CELF4: variants seen among roughly 807,000 people sequenced by gnomAD.
CELF4 encodes the protein CUG-BP- and ETR-3-like factor 4.
A neutral mutation model predicts 59.9 loss-of-function variants in CELF4; 18 were observed. The ratio of observed to expected loss-of-function variants is 0.30; its 90% CI spans 0.21 to 0.45. CELF4 has a LOEUF of 0.45. Among genes scored for constraint, CELF4 ranks in the 20% least tolerant of loss-of-function variants. The probability of loss-of-function intolerance (pLI) is 1.00; values close to 1 mark genes in which losing one functional copy is unlikely to be tolerated. For missense variants in CELF4, 456 were observed against 689.0 expected, an observed-to-expected ratio of 0.66 and a Z score of 3.79; for synonymous variants, 261 against 267.1, an observed-to-expected ratio of 0.98 and a Z score of 0.22.
intron 3 of CELF4, among the ~76,000 whole-genome samples, chr18:37,296,169 A>G (rs1029174546): frequency 6.6e-6 from 1 of 151,946 alleles, no homozygotes; most frequent in Non-Finnish European, 1.5e-5. Flanking sequence ...TTCATATTTT[A>G]TTTTGAGACA....
intron 3 of CELF4, 129 bp from the exon 4 acceptor site, chr18:37,275,372 C>G (rs1601888486): frequency 6.3e-4 from 21 of 33,486 alleles, no homozygotes; most frequent in South Asian, 4.7e-3. Context: ...TCGGAGCCGG[C>G]GGGGGAGAGG....
rs1213195537 is a variant in CELF4 at position 37,246,580 on chromosome 18, T to C, written c.*45-1383A>G. Among the ~76,000 whole-genome samples the C allele has an allele frequency of 6.6e-6, 1 of 152,174 alleles. No homozygotes were observed. The highest frequency in any genetic ancestry group is 2.4e-5 in the African/African-American group (1 of 41,456). Reference sequence around the variant, plus strand: ...TCTGTTACTGTAGATATTTTGTTTTTGTTTTTTTGTTTTTGTTTTTTTTCC... The same window carrying C: ...TCTGTTACTGTAGATATTTTGTTTTCGTTTTTTTGTTTTTGTTTTTTTTCC... On this transcript the variant is annotated intron_variant, in intron 12 of 12. Coordinates refer to ENST00000420428, the MANE Select transcript of CELF4 (RefSeq NM_020180.4). This position sits in a 1 kb window ranked among gnomAD's most constrained non-coding sequence, Gnocchi z 5.3.
chr18:37,522,212 C>T (rs1469493723), intron 1 of CELF4, among the ~76,000 whole-genome samples: 1 of 152,182 alleles, frequency 6.6e-6, no homozygotes, highest in African/African-American at 2.4e-5. Context: ...CCACCTCCTC[C>T]TGACTGGTGC....
At chr18:37,541,558 C>T (rs184958126) in intron 1 of CELF4, among the ~76,000 whole-genome samples, 24 of 152,288 alleles carry the variant, frequency 1.6e-4, no homozygotes, top group Admixed American at 8.5e-4. Flanking sequence ...AAACATACAT[C>T]GGAACATGGC....
chr18:37,264,227 AC>A (rs770312395), intron 10 of CELF4, among the ~76,000 whole-genome samples: 33 of 152,228 alleles, frequency 2.2e-4, no homozygotes, highest in Middle Eastern at 3.2e-3. Context: ...GCACTGGTAC[AC>A]ACAGGCCTAA....
chr18:37,565,247 C>A, intron 1 of CELF4, 109 bp downstream of exon 1: 1 of 1,309,992 alleles, frequency 7.6e-7, no homozygotes, highest in Non-Finnish European at 1.0e-6. Context: ...CCGCGCCCGC[C>A]CGAGGCTTCC....
intron 8 of CELF4, among the ~76,000 whole-genome samples, chr18:37,267,988 G>C (rs1319324009): frequency 6.6e-6 from 1 of 152,170 alleles, no homozygotes; most frequent in Non-Finnish European, 1.5e-5. Context: ...AGTGAACTGA[G>C]ATCATGCCAT....
intron 2 of CELF4, among the ~76,000 whole-genome samples, chr18:37,398,386 A>C (rs558691126): frequency 6.6e-6 from 1 of 152,164 alleles, no homozygotes; most frequent in Non-Finnish European, 1.5e-5. Flanking sequence ...GAGAGAAGGA[A>C]TCTCCCTTCG....
At chr18:37,420,019 C>T (rs1288519341) in intron 2 of CELF4, among the ~76,000 whole-genome samples, 1 of 152,232 alleles carries the variant, frequency 6.6e-6, no homozygotes, top group Non-Finnish European at 1.5e-5. Context: ...TGGTATCCAG[C>T]AACACATTGA....
At chr18:37,527,483 C>A (rs1051152263) in intron 1 of CELF4, among the ~76,000 whole-genome samples, 2 of 152,156 alleles carry the variant, frequency 1.3e-5, no homozygotes, top group African/African-American at 4.8e-5. Flanking sequence ...CTCCCCACCC[C>A]CTCCAGAATA....
chr18:37,449,571 G>A (rs936948382), intron 2 of CELF4, among the ~76,000 whole-genome samples: 1 of 152,160 alleles, frequency 6.6e-6, no homozygotes, highest in Non-Finnish European at 1.5e-5. Flanking sequence ...TGAAGCACAC[G>A]GTCTAGTGGA....
chr18:37,281,936 G>A (rs2094193700), intron 3 of CELF4, among the ~76,000 whole-genome samples: 1 of 152,166 alleles, frequency 6.6e-6, no homozygotes, highest in Non-Finnish European at 1.5e-5. Context: ...AGTAGCAAGG[G>A]ACAGGGAGAC....
chr18:37,298,666 C>T (rs573869759), intron 3 of CELF4, among the ~76,000 whole-genome samples: 5 of 150,298 alleles, frequency 3.3e-5, no homozygotes, highest in East Asian at 2.0e-4. Flanking sequence ...CAGATGTTGC[C>T]GTGAACTGAG....
At chr18:37,361,833 G>A (rs537694741) in intron 2 of CELF4, among the ~76,000 whole-genome samples, 43 of 143,076 alleles carry the variant, frequency 3.0e-4, no homozygotes, top group Admixed American at 1.3e-3. Context: ...CCATTCTAGT[G>A]GCAGCCCCTG....
At position 37,381,148 on chromosome 18, in the gene CELF4, AT is replaced by A. The variant is rs1292599672; in HGVS notation, c.370-59268del. 2.0e-3 allele frequency among the ~76,000 whole-genome samples: 307 copies of A among 152,190 alleles called. 2 individuals are homozygous for A. The highest frequency in any genetic ancestry group is 7.0e-3 in the African/African-American group (290 of 41,532). ...CATCCATCCATCCATCCATCCATCCATCCATCCACCTACCATTCATCCACTC... is the reference window on the plus strand; with the variant it reads ...CATCCATCCATCCATCCATCCATCCACCATCCACCTACCATTCATCCACTC... On this transcript the variant is annotated intron_variant, in intron 2 of 12. Transcript: ENST00000420428.
At chr18:37,532,832 C>G (rs913004414) in intron 1 of CELF4, among the ~76,000 whole-genome samples, 2 of 152,196 alleles carry the variant, frequency 1.3e-5, no homozygotes, top group Admixed American at 1.3e-4. Context: ...GAGAACCTCT[C>G]CAAGGAGAAA....
At chr18:37,487,493 T>C (rs1448084188) in intron 1 of CELF4, among the ~76,000 whole-genome samples, 4 of 151,928 alleles carry the variant, frequency 2.6e-5, no homozygotes, top group Non-Finnish European at 4.4e-5. Context: ...TCCTCCTCCC[T>C]CTCCCGTCCT....
intron 1 of CELF4, among the ~76,000 whole-genome samples, chr18:37,545,292 C>T (rs145996058): frequency 3.3e-4 from 51 of 152,294 alleles, no homozygotes; most frequent in African/African-American, 1.0e-3. Flanking sequence ...CCTGAGATCC[C>T]AGGACTCCTG....
At chr18:37,328,616 GT>G (rs1266711010) in intron 2 of CELF4, among the ~76,000 whole-genome samples, 1 of 152,166 alleles carries the variant, frequency 6.6e-6, no homozygotes, top group Non-Finnish European at 1.5e-5. Context: ...CCCCATTCCT[GT>G]GTGGTTTCTG....
Sources: gnomAD v4.1 joint callset for allele counts (sites outside exome capture counted in the v4.1 genomes callset) on GRCh38, gnomAD v4.1.1 for gene constraint, Gnocchi (gnomAD v3.1) non-coding constraint, MANE v1.5 for transcripts, NCBI Gene and HGNC (gene_info 2026-07-23, HGNC 2026-07-21) for gene names.